Variants in CUL5 observed in about 807,000 individuals in gnomAD.
The protein encoded by CUL5 is cullin-5.
A neutral mutation model predicts 108.8 loss-of-function variants in CUL5; 26 were observed. That is an observed-to-expected ratio of 0.24 (90% CI 0.18 to 0.33). The LOEUF (loss-of-function observed/expected upper bound fraction) is 0.33. CUL5 is among the 10% of genes least tolerant of loss of function. CUL5 has a pLI of 1.00. For missense variants in CUL5, 524 were observed against 909.2 expected, an observed-to-expected ratio of 0.58 and a Z score of 5.45; for synonymous variants, 334 against 298.0, an observed-to-expected ratio of 1.12 and a Z score of -1.25.
At chr11:108,033,158 G>T (rs527294330) in intron 1 of CUL5, among the ~76,000 whole-genome samples, 7 of 152,174 alleles carry the variant, frequency 4.6e-5, no homozygotes, top group African/African-American at 9.7e-5. Flanking sequence ...TTCCAAATGC[G>T]AGCTTATCTT....
intron 2 of CUL5, among the ~76,000 whole-genome samples, chr11:108,036,705 T>C (rs1010197917): frequency 6.6e-6 from 1 of 152,214 alleles, no homozygotes; most frequent in Non-Finnish European, 1.5e-5. Context: ...CTCGAACTCT[T>C]GACCTCAAAG....
chr11:108,046,418 A>G, intron 3 of CUL5, 49 bp downstream of exon 3: 2 of 1,035,714 alleles, frequency 1.9e-6, no homozygotes, highest in Non-Finnish European at 2.9e-6. Flanking sequence ...TACTCAGATA[A>G]TATCATATTT....
chr11:108,021,517 C>G (rs371487712), intron 1 of CUL5, among the ~76,000 whole-genome samples: 5 of 152,160 alleles, frequency 3.3e-5, no homozygotes, highest in African/African-American at 1.2e-4. Flanking sequence ...CAGGGTCTTA[C>G]TCTGTCACTC....
At chr11:108,082,458 G>C (rs942198433) in intron 11 of CUL5, among the ~76,000 whole-genome samples, 1 of 151,888 alleles carries the variant, frequency 6.6e-6, no homozygotes, top group African/African-American at 2.4e-5. Context: ...ATTATTTTTT[G>C]TAGAGACAGT....
rs138911923 is a variant in CUL5 at position 108,084,445 on chromosome 11, C to T, written c.1179-4082C>T. Among the ~76,000 whole-genome samples the T allele has an allele frequency of 6.1e-3, 928 of 152,270 alleles. 5 individuals are homozygous for T. Among genetic ancestry groups the T allele is most frequent in the African/African-American group, 0.021 (889 of 41,542 alleles). On this transcript the variant is annotated intron_variant, in intron 11 of 18. Transcript: ENST00000393094. ...TGGTGGTCACACAGGACTGGAGTAA[C>T]AAAACCCATTGGACACTGAATTGAA...
chr11:108,074,750 G>A (rs1863906188), intron 10 of CUL5, among the ~76,000 whole-genome samples: 1 of 152,110 alleles, frequency 6.6e-6, no homozygotes, highest in Admixed American at 6.5e-5. Flanking sequence ...AGGTTGTGGT[G>A]AGCTGAGATC....
Position 108,104,218 on chromosome 11 carries a change from G to C in CUL5, c.2177G>C (p.Arg726Thr), listed in dbSNP as rs1864736618. 1 of 1,579,760 alleles carries C rather than the reference G, an allele frequency of 6.3e-7. No homozygotes were observed. Among genetic ancestry groups the C allele is most frequent in the Non-Finnish European group, 8.6e-7 (1 of 1,168,300 alleles). The change falls in exon 19 of 19, where the codon AGA becomes ACA. Residue 726 changes from arginine to threonine, a missense_variant. Physicochemically the swap from Arg to Thr is moderately conservative, Grantham distance 71. This residue lies in a region of CUL5 where 22 missense variants were observed against 70.5 expected (regional missense o/e 0.31). Transcript: ENST00000393094. ...QEAIIQIMKM[R>T]KKISNAQLQT... The stretch of plus-strand genomic sequence containing the variant: ...GCTATCATACAAATAATGAAAATGA[G>C]AAAGAAAATTAGTAATGCTCAGCTG...
rs1384111097 is a variant in CUL5, at chr11:108,046,267, C to T, written c.135-3C>T. ...TGTTTGTTTACCTACTTTATATTCA[C>T]AGGGATGTGCATGCAGTCTGTCTTT... On this transcript the variant is annotated splice_polypyrimidine_tract_variant and splice_region_variant and intron_variant, in intron 2 of 18. Coordinates refer to ENST00000393094, the MANE Select transcript of CUL5 (RefSeq NM_003478.6). The T allele has an allele frequency of 1.9e-6, 3 of 1,590,098 alleles. No homozygotes were observed.
chr11:108,042,331 G>A (rs1418382214), intron 2 of CUL5, among the ~76,000 whole-genome samples: 1 of 148,740 alleles, frequency 6.7e-6, no homozygotes, highest in East Asian at 2.0e-4. Context: ...CAATTCTCAT[G>A]CCTCAGCCTC....
intron 15 of CUL5, among the ~76,000 whole-genome samples, 192 bp from the exon 16 acceptor site, chr11:108,095,338 A>G (rs978020731): frequency 1.3e-5 from 2 of 152,188 alleles, no homozygotes; most frequent in African/African-American, 4.8e-5. Flanking sequence ...ACTTGGCCAC[A>G]TTTTGTTACA....
In CUL5 at chr11:108,072,337, C is replaced by A; in HGVS notation, c.880C>A (p.His294Asn). The A allele has an allele frequency of 6.3e-7, 1 of 1,599,116 alleles. No individual in the cohort carries two copies. The highest frequency in any genetic ancestry group is 8.5e-7 in the Non-Finnish European group (1 of 1,172,290). The change falls in exon 9 of 19, where the codon CAT becomes AAT. Residue 294 changes from histidine (H) to asparagine (N), a missense_variant. Coordinates refer to ENST00000393094, the MANE Select transcript of CUL5 (RefSeq NM_003478.6). Reference protein sequence around the residue: ...MIKRNETEKLHLMFSLMDKVP... With the variant: ...MIKRNETEKLNLMFSLMDKVP... ...AATGTGTTCTCTCCTTCCAGAATTACATTTAATGTTTTCATTGATGGACAA... is the reference window on the plus strand; with the variant it reads ...AATGTGTTCTCTCCTTCCAGAATTAAATTTAATGTTTTCATTGATGGACAA...
chr11:108,033,222 A>G (rs989905699), intron 1 of CUL5, among the ~76,000 whole-genome samples: 5 of 152,238 alleles, frequency 3.3e-5, no homozygotes, highest in African/African-American at 9.6e-5. Flanking sequence ...AATGTATGAC[A>G]GTATGCACGA....
chr11:108,063,184 T>G (rs1422198970), intron 7 of CUL5, among the ~76,000 whole-genome samples: 2 of 152,094 alleles, frequency 1.3e-5, no homozygotes, highest in Non-Finnish European at 2.9e-5. Flanking sequence ...CCATCCCTAT[T>G]TCTCCCCCAC....
At chr11:108,076,913 A>G (rs562137717) in intron 10 of CUL5, among the ~76,000 whole-genome samples, 1 of 152,340 alleles carries the variant, frequency 6.6e-6, no homozygotes, top group Non-Finnish European at 1.5e-5. Context: ...TTTTGGAGAG[A>G]TGGTTGCAGA....
chr11:108,057,159 G>GAA (rs1863401671), intron 7 of CUL5, among the ~76,000 whole-genome samples: 1 of 152,086 alleles, frequency 6.6e-6, no homozygotes, highest in African/African-American at 2.4e-5. Context: ...TAAGTCCAGA[G>GAA]TAGCTGGGAC....
intron 11 of CUL5, among the ~76,000 whole-genome samples, chr11:108,084,298 C>A (rs1028224095): frequency 3.3e-5 from 5 of 152,202 alleles, no homozygotes; most frequent in Non-Finnish European, 5.9e-5. Context: ...TACAGAAATG[C>A]CAGATAAACC....
chr11:108,023,072 A>G (rs994966475), intron 1 of CUL5, among the ~76,000 whole-genome samples: 1 of 152,150 alleles, frequency 6.6e-6, no homozygotes, highest in Non-Finnish European at 1.5e-5. Context: ...AACATGGTGA[A>G]ACCCCACCTC....
intron 1 of CUL5, among the ~76,000 whole-genome samples, chr11:108,011,429 G>A (rs1862054601): frequency 6.6e-6 from 1 of 152,082 alleles, no homozygotes. Flanking sequence ...TACAGAAAAC[G>A]GGGTACTTAG....
At chr11:108,064,237 A>T (rs1863619417) in intron 7 of CUL5, among the ~76,000 whole-genome samples, 1 of 152,160 alleles carries the variant, frequency 6.6e-6, no homozygotes, top group South Asian at 2.1e-4. Flanking sequence ...TCATGCAGGA[A>T]TGTTGAATTT....
Sources: allele counts gnomAD v4.1 joint callset (sites outside exome capture counted in the v4.1 genomes callset), GRCh38; gene constraint gnomAD v4.1.1; regional missense constraint gnomAD v4.1.1; transcripts MANE v1.5; gene names NCBI Gene and HGNC (gene_info 2026-07-23, HGNC 2026-07-21).